The following DDX50 variants were observed in gnomAD, a reference collection of about 807,000 sequenced individuals.
DDX50 encodes DExD-box helicase 50, also known as ATP-dependent RNA helicase DDX50.
A neutral mutation model predicts 94.8 loss-of-function variants in DDX50; 56 were observed. That is an observed-to-expected ratio of 0.59 (90% CI 0.48 to 0.74). DDX50 has a LOEUF of 0.74. Ranked by LOEUF, DDX50 falls within the 30% of genes least tolerant of loss-of-function variation. DDX50 has a pLI of 0.00. For missense variants in DDX50, 713 were observed against 881.2 expected, an observed-to-expected ratio of 0.81 and a Z score of 2.42; for synonymous variants, 264 against 295.4, an observed-to-expected ratio of 0.89 and a Z score of 1.09.
intron 8 of DDX50, among the ~76,000 whole-genome samples, chr10:68,929,731 T>TA (rs1388028898): frequency 6.7e-6 from 1 of 148,906 alleles, no homozygotes; most frequent in Non-Finnish European, 1.5e-5. Flanking sequence ...GCCTCTTTTT[T>TA]TTTTTTTTTT....
At chr10:68,923,083 G>A (rs1477305294) in intron 8 of DDX50, among the ~76,000 whole-genome samples, 3 of 121,548 alleles carry the variant, frequency 2.5e-5, no homozygotes, top group Admixed American at 9.3e-5. Context: ...GTGAGCCACC[G>A]CACCTGGCTG....
rs183872748 is a variant in DDX50 at position 68,910,778 on chromosome 10, C to T, written c.461-290C>T. ...TGTAAAACTCCTGTGCCTTTTCTGA[C>T]CAAAAGGAGAACATAAAAAGCATAG... On this transcript the variant is annotated intron_variant, in intron 3 of 14. Coordinates refer to ENST00000373585, the MANE Select transcript of DDX50 (RefSeq NM_024045.2). 1.1e-3 allele frequency among the ~76,000 whole-genome samples: 172 copies of T among 152,296 alleles called. 1 individual carries two copies. The highest frequency in any genetic ancestry group is 1.9e-3 in the Non-Finnish European group (127 of 68,024).
At chr10:68,906,560 G>T (rs1269476414) in intron 1 of DDX50, 151 bp from the exon 2 acceptor site, 1 of 746,070 alleles carries the variant, frequency 1.3e-6, no homozygotes, top group Non-Finnish European at 2.2e-6. Flanking sequence ...TTAGAGCTTG[G>T]CATTAGTAAG....
At position 68,936,949 on chromosome 10, in the gene DDX50, G is replaced by A. The variant is rs748915927; in HGVS notation, c.1609G>A (p.Val537Ile). The A allele has an allele frequency of 2.6e-5, 41 of 1,604,792 alleles. 1 individual carries two copies. The South Asian group carries it at 3.3e-4, about 13-fold the overall frequency. The change falls in exon 12 of 15, where the codon GTT (valine) becomes ATT (isoleucine). Residue 537 changes from valine (V) to isoleucine (I), a missense_variant. Physicochemically the swap from Val to Ile is conservative, Grantham distance 29. Coordinates refer to ENST00000373585, the MANE Select transcript of DDX50 (RefSeq NM_024045.2). ...TTTAAACCATAGGTCTCTGGCTTCC[G>A]TTTCTTACGCTGCTGTTGATTTTTT... ...SMDAIRSLAS[V>I]SYAAVDFFRP...
At chr10:68,916,039 A>G (rs1841780202) in intron 7 of DDX50, among the ~76,000 whole-genome samples, 1 of 152,110 alleles carries the variant, frequency 6.6e-6, no homozygotes, top group Non-Finnish European at 1.5e-5. Flanking sequence ...TACTTCTGGG[A>G]AGGGGCATGC....
chr10:68,916,807 C>A (rs935165267), intron 7 of DDX50, among the ~76,000 whole-genome samples: 4 of 152,164 alleles, frequency 2.6e-5, no homozygotes, highest in African/African-American at 7.2e-5. Context: ...GCCTCAGCCT[C>A]CTGAGTAGCT....
At chr10:68,914,547 A>G (rs1841727599) in intron 7 of DDX50, among the ~76,000 whole-genome samples, 1 of 152,256 alleles carries the variant, frequency 6.6e-6, no homozygotes, top group Non-Finnish European at 1.5e-5. Context: ...TATATTGACT[A>G]GAAAAGAATA....
At chr10:68,915,427 G>A (rs1335659297) in intron 7 of DDX50, among the ~76,000 whole-genome samples, 2 of 137,770 alleles carry the variant, frequency 1.5e-5, no homozygotes, top group African/African-American at 5.4e-5. Flanking sequence ...AAAAATAAAA[G>A]AAAAAAAAGG....
chr10:68,916,692 A>AT (rs554019096), intron 7 of DDX50, among the ~76,000 whole-genome samples: 75 of 151,916 alleles, frequency 4.9e-4, no homozygotes, highest in African/African-American at 1.7e-3. Flanking sequence ...AAAAACAGTA[A>AT]TTTTTTTTGA....
At position 68,946,706 on chromosome 10, in the gene DDX50, G is replaced by C. The variant is rs983361886; in HGVS notation, c.*76G>C. On this transcript the variant is annotated 3_prime_UTR_variant, in exon 15 of 15. Transcript: ENST00000373585. ...ATGTACATTATCCACCAAAAATTAG[G>C]TCATCATAGTTGAGGTATGTGTCTG... The C allele has an allele frequency of 3.3e-6, 5 of 1,527,802 alleles. No individual in the cohort carries two copies. Among genetic ancestry groups the C allele is most frequent in the Non-Finnish European group, 4.4e-6 (5 of 1,134,750 alleles). 94.6% of individuals were successfully genotyped at this position (1,527,802 alleles called of 1,614,324 possible). A position where few individuals can be genotyped will look rare whatever the true frequency, so the allele number is the denominator to read the frequency against.
chr10:68,930,558 T>C (rs1458800332), intron 8 of DDX50, among the ~76,000 whole-genome samples: 1 of 18,352 alleles, frequency 5.4e-5, no homozygotes, highest in Non-Finnish European at 8.7e-5. Context: ...AATTCAGTTA[T>C]GGTGTAGCCT....
In DDX50 at chr10:68,917,031, T is replaced by G. The variant is rs147226240; in HGVS notation, c.1090-2801T>G. 5.2e-3 allele frequency among the ~76,000 whole-genome samples: 795 copies of G among 151,970 alleles called. 9 individuals carry two copies. Among genetic ancestry groups the G allele is most frequent in the African/African-American group, 0.018 (750 of 41,478 alleles). Reference sequence around the variant, plus strand: ...TAAATACCTAGTGTGCACATTGCCCTTGCTGTCTTTTTTAAATAGTTTGTT... The same window carrying G: ...TAAATACCTAGTGTGCACATTGCCCGTGCTGTCTTTTTTAAATAGTTTGTT... On this transcript the variant is annotated intron_variant, in intron 7 of 14. Transcript: ENST00000373585.
At chr10:68,913,317 T>A (rs1278444577) in intron 5 of DDX50, 38 bp downstream of exon 5, 1 of 1,604,680 alleles carries the variant, frequency 6.2e-7, no homozygotes, top group Non-Finnish European at 8.5e-7. Flanking sequence ...AAAGGCATAT[T>A]TGATACTCAT....
At chr10:68,906,256 G>A (rs1244210491) in intron 1 of DDX50, 1 of 152,746 alleles carries the variant, frequency 6.5e-6, no homozygotes, top group African/African-American at 2.4e-5. Context: ...TTCGGATAAG[G>A]GATTATGGAC....
At chr10:68,902,160 A>G (rs1464784510) in intron 1 of DDX50, among the ~76,000 whole-genome samples, 2 of 135,234 alleles carry the variant, frequency 1.5e-5, no homozygotes, top group Non-Finnish European at 3.1e-5. Flanking sequence ...GAGGAGTTGT[A>G]GTCTTTCCTC....
intron 1 of DDX50, among the ~76,000 whole-genome samples, chr10:68,905,906 C>CT (rs1355137170): frequency 6.6e-6 from 1 of 152,114 alleles, no homozygotes; most frequent in African/African-American, 2.4e-5. Flanking sequence ...GAGCAAAACT[C>CT]TATCTCAAAA....
intron 12 of DDX50, 139 bp from the exon 13 acceptor site, chr10:68,940,920 CA>C (rs1564618494): frequency 1.1e-5 from 12 of 1,094,112 alleles, no homozygotes; most frequent in Non-Finnish European, 1.3e-5. Context: ...AATGTAGTTT[CA>C]AAAAAATTTT....
At chr10:68,924,296 G>A (rs1356503444) in intron 8 of DDX50, among the ~76,000 whole-genome samples, 1 of 151,770 alleles carries the variant, frequency 6.6e-6, no homozygotes, top group African/African-American at 2.4e-5. Context: ...TAAGAGACAG[G>A]GTCCCACCAT....
intron 7 of DDX50, among the ~76,000 whole-genome samples, chr10:68,916,013 A>G (rs559350006): frequency 2.0e-5 from 3 of 152,322 alleles, no homozygotes; most frequent in African/African-American, 7.2e-5. Flanking sequence ...TGAAAGAATA[A>G]ACATCAGATA....
Sources: gnomAD v4.1 joint callset for allele counts (sites outside exome capture counted in the v4.1 genomes callset) on GRCh38, gnomAD v4.1.1 for gene constraint, MANE v1.5 for transcripts, NCBI Gene and HGNC (gene_info 2026-07-23, HGNC 2026-07-21) for gene names.